ACSBG1: variants seen among roughly 807,000 people sequenced by gnomAD.
The protein encoded by ACSBG1 is long-chain-fatty-acid--CoA ligase ACSBG1.
In ACSBG1, 39 loss-of-function variants were observed where a neutral mutation model predicts 80.2. The observed-to-expected ratio is 0.49, with a 90% CI of 0.38 to 0.64. The LOEUF is 0.64. ACSBG1 is among the 30% of genes least tolerant of loss of function. ACSBG1 has a pLI of 0.00. For missense variants in ACSBG1, 828 were observed against 966.4 expected, an observed-to-expected ratio of 0.86 and a Z score of 1.90; for synonymous variants, 392 against 379.5, an observed-to-expected ratio of 1.03 and a Z score of -0.38.
At chr15:78,232,536 G>GTGGACCTGAGCCCCACT (rs2141397346) in intron 1 of ACSBG1, among the ~76,000 whole-genome samples, 1 of 152,258 alleles carries the variant, frequency 6.6e-6, no homozygotes, top group Non-Finnish European at 1.5e-5. Flanking sequence ...ACAGGCTCCT[G>GTGGACCTGAGCCCCACT]TGGCCCTGAG....
intron 11 of ACSBG1, among the ~76,000 whole-genome samples, chr15:78,175,627 G>A (rs559602232): frequency 6.6e-6 from 1 of 152,254 alleles, no homozygotes; most frequent in East Asian, 1.9e-4. Context: ...AGATCTTAGA[G>A]GCCTCCAGTG....
At chr15:78,179,482 A>T (rs2074917793) in intron 10 of ACSBG1, 68 bp downstream of exon 10, 1 of 1,442,466 alleles carries the variant, frequency 6.9e-7, no homozygotes, top group East Asian at 2.3e-5. Context: ...CAGGGCACTC[A>T]GCAGGCGGGC....
Position 78,179,630 on chromosome 15 carries a change from G to C in ACSBG1, c.1404C>G (p.Ile468Met). Residue 468 changes from isoleucine to methionine, a missense_variant, in exon 10 of 14, where the codon ATC (isoleucine) becomes ATG (methionine). Ile to Met is a conservative substitution (Grantham distance 10). This residue lies in a region of ACSBG1 where 271 missense variants were observed against 375.9 expected (regional missense o/e 0.72). Coordinates refer to ENST00000258873, the MANE Select transcript of ACSBG1 (RefSeq NM_015162.5). ...TGAGGCCGTAGCCCGCATACAAGCG[G>C]ATGTTGAGACCCAGGAAGAAGTGCT... The part of the protein sequence containing the change: ...ETQHFFLGLN[I>M]RLYAGYGLSE... 2 of 1,614,190 alleles carry C rather than the reference G, an allele frequency of 1.2e-6. No individual in the cohort carries two copies. Among genetic ancestry groups the C allele is most frequent in the Non-Finnish European group, 1.7e-6 (2 of 1,180,038 alleles).
chr15:78,216,512 G>A (rs2075313477), intron 1 of ACSBG1, among the ~76,000 whole-genome samples: 1 of 152,168 alleles, frequency 6.6e-6, no homozygotes, highest in Admixed American at 6.5e-5. Flanking sequence ...CAGCTCACAC[G>A]GGTGGGGTTT....
chr15:78,225,780 AAAAC>A (rs908998215), intron 1 of ACSBG1, among the ~76,000 whole-genome samples: 2 of 152,248 alleles, frequency 1.3e-5, no homozygotes, highest in Admixed American at 1.3e-4. Flanking sequence ...TGGCTTAAAA[AAAAC>A]AAACACTATC....
Position 78,182,077 on chromosome 15 carries a change from C to T in ACSBG1, c.963G>A (p.Val321=), listed in dbSNP as rs780768559. 1.2e-6 allele frequency: 2 copies of T among 1,613,780 alleles called. No individual in the cohort carries two copies. Among genetic ancestry groups the T allele is most frequent in the South Asian group, 1.1e-5 (1 of 91,086 alleles). Residue 321 remains valine (V), a synonymous_variant, in exon 8 of 14, where the codon GTG becomes GTA. Coordinates refer to ENST00000258873, the MANE Select transcript of ACSBG1 (RefSeq NM_015162.5). The part of the protein sequence containing the change: ...DIRPAEVQQE[V]VVSYLPLSHI... Reference sequence around the variant, plus strand: ...GGCTGAGGGGCAGGTAGCTGACTACCACCTCCTGCTGGACTTCTGCCGGCC... The same window carrying T: ...GGCTGAGGGGCAGGTAGCTGACTACTACCTCCTGCTGGACTTCTGCCGGCC...
At chr15:78,181,624 G>A (rs2074945623) in intron 8 of ACSBG1, among the ~76,000 whole-genome samples, 1 of 150,628 alleles carries the variant, frequency 6.6e-6, no homozygotes, top group South Asian at 2.1e-4. Flanking sequence ...CTCCCTAGTA[G>A]CTGGGACTAC....
intron 11 of ACSBG1, 56 bp from the exon 12 acceptor site, chr15:78,174,580 A>G: frequency 6.4e-7 from 1 of 1,568,522 alleles, no homozygotes; most frequent in Non-Finnish European, 8.7e-7. Context: ...GCCCCAGCTG[A>G]ACCACAACCC....
intron 1 of ACSBG1, among the ~76,000 whole-genome samples, chr15:78,217,349 A>C (rs1229113674): frequency 6.6e-6 from 1 of 152,206 alleles, no homozygotes; most frequent in Non-Finnish European, 1.5e-5. Context: ...GAAATTGACA[A>C]GGTCCTTTGG....
intron 1 of ACSBG1, among the ~76,000 whole-genome samples, chr15:78,212,023 A>G (rs1235467485): frequency 6.6e-6 from 1 of 152,232 alleles, no homozygotes; most frequent in Non-Finnish European, 1.5e-5. Context: ...TGTGTGACAC[A>G]TAAGTTGAGG....
At chr15:78,179,900 A>G in intron 9 of ACSBG1, 120 bp from the exon 10 acceptor site, 1 of 822,698 alleles carries the variant, frequency 1.2e-6, no homozygotes, top group Non-Finnish European at 1.9e-6. Context: ...TGGCTCGGCC[A>G]TTCCAGTTGT....
intron 1 of ACSBG1, among the ~76,000 whole-genome samples, chr15:78,215,784 A>AAGAAAG (rs1555434060): frequency 2.3e-4 from 32 of 136,382 alleles, no homozygotes; most frequent in African/African-American, 8.7e-4. Context: ...GAAAGAAAGA[A>AAGAAAG]AGAGAAAGAA....
At chr15:78,182,665 A>C (rs756313028) in intron 6 of ACSBG1, 40 bp downstream of exon 6, 8 of 1,613,746 alleles carry the variant, frequency 5.0e-6, no homozygotes, top group Non-Finnish European at 5.9e-6. Flanking sequence ...GGGTGGGCCC[A>C]ATAGGCCCCA....
chr15:78,207,374 G>T (rs183536278), intron 2 of ACSBG1, among the ~76,000 whole-genome samples: 1 of 152,154 alleles, frequency 6.6e-6, no homozygotes, highest in East Asian at 1.9e-4. Flanking sequence ...GGTATCTATT[G>T]TTTTCTTTTT....
chr15:78,233,546 G>A (rs1299260573), intron 1 of ACSBG1, among the ~76,000 whole-genome samples: 3 of 152,118 alleles, frequency 2.0e-5, no homozygotes, highest in Admixed American at 6.5e-5. Context: ...TTGTTAGGTC[G>A]TTCTCTCTGC....
intron 1 of ACSBG1, among the ~76,000 whole-genome samples, chr15:78,215,726 G>A (rs867594663): frequency 4.3e-5 from 2 of 45,986 alleles, no homozygotes; most frequent in South Asian, 6.9e-4. Flanking sequence ...GAAAGAAAGA[G>A]AAAGAAAGAA....
At chr15:78,230,242 G>C (rs900250265) in intron 1 of ACSBG1, among the ~76,000 whole-genome samples, 1 of 152,206 alleles carries the variant, frequency 6.6e-6, no homozygotes, top group East Asian at 1.9e-4. Flanking sequence ...GACCCCACGG[G>C]TTTTGCCTCT....
intron 5 of ACSBG1, among the ~76,000 whole-genome samples, chr15:78,184,426 T>TTC (rs2074979480): frequency 6.6e-6 from 1 of 152,072 alleles, no homozygotes; most frequent in South Asian, 2.1e-4. Context: ...CAAGAGATCC[T>TTC]TCTGCCTTGG....
Position 78,182,607 on chromosome 15 carries a change from T to C in ACSBG1, c.753A>G (p.Glu251=). Residue 251 remains glutamate (E), a synonymous_variant, in exon 7 of 14, where the codon GAA becomes GAG. Transcript: ENST00000258873. ...NKMANVYTME[E]FMELGNEVPE... ...GCACTTCATTCCCCAGCTCCATGAA[T>C]TCCTCCATCTGTAGCCAGATGCAGG... 6.2e-7 allele frequency: 1 copy of C among 1,613,996 alleles called. No individual in the cohort carries two copies. The highest frequency in any genetic ancestry group is 1.3e-5 in the African/African-American group (1 of 75,042).
Sources: allele counts gnomAD v4.1 joint callset (sites outside exome capture counted in the v4.1 genomes callset), GRCh38; gene constraint gnomAD v4.1.1; regional missense constraint gnomAD v4.1.1; transcripts MANE v1.5; gene names NCBI Gene and HGNC (gene_info 2026-07-23, HGNC 2026-07-21).